Variants in CCDC148 observed in about 807,000 individuals in gnomAD.
CCDC148 encodes coiled-coil domain-containing protein 148.
CCDC148 carries 89 observed loss-of-function variants against 85.7 expected under a neutral mutation model. That is an observed-to-expected ratio of 1.04 (90% confidence interval 0.87 to 1.24). CCDC148 has a LOEUF of 1.24. Ranked by LOEUF, CCDC148 falls within the 50% of genes most tolerant of loss-of-function variation. CCDC148 has a pLI of 0.00. For synonymous variants in CCDC148, 230 were observed against 213.9 expected (o/e 1.08, Z -0.66); for missense variants, 692 against 671.7 (o/e 1.03, Z -0.33).
intron 9 of CCDC148, among the ~76,000 whole-genome samples, chr2:158,294,020 CCTTCCTTCCTTCCTTCCTTCCTTCCT>C (rs1401921719): frequency 3.2e-4 from 7 of 21,738 alleles, no homozygotes; most frequent in African/African-American, 1.2e-3. Context: ...TTCCTTCCTT[CCTTCCTTCCTTCCTTCCTTCCTTCCT>C]TCCTTCCTTC....
intron 11 of CCDC148, among the ~76,000 whole-genome samples, chr2:158,186,134 A>G (rs1685144124): frequency 6.6e-6 from 1 of 152,100 alleles, no homozygotes; most frequent in South Asian, 2.1e-4. Flanking sequence ...AGTTGTACAC[A>G]TTGACTTTGG....
At chr2:158,416,454 T>G (rs962838598) in intron 1 of CCDC148, among the ~76,000 whole-genome samples, 1 of 152,208 alleles carries the variant, frequency 6.6e-6, no homozygotes, top group African/African-American at 2.4e-5. Context: ...TTGAATGCTT[T>G]GCTGCTTAGA....
chr2:158,234,448 C>T (rs529871231), intron 10 of CCDC148, among the ~76,000 whole-genome samples: 1 of 152,040 alleles, frequency 6.6e-6, no homozygotes, highest in African/African-American at 2.4e-5. Context: ...TCATTTACCT[C>T]TGGTAGGAGG....
intron 9 of CCDC148, among the ~76,000 whole-genome samples, chr2:158,275,611 A>G (rs959720037): frequency 1.3e-5 from 2 of 152,108 alleles, no homozygotes; most frequent in African/African-American, 2.4e-5. Flanking sequence ...ATCCCTGTCA[A>G]TCTAGTTTTA....
intron 9 of CCDC148, among the ~76,000 whole-genome samples, chr2:158,296,889 C>T (rs192072419): frequency 3.3e-4 from 50 of 152,260 alleles, no homozygotes; most frequent in South Asian, 1.2e-3. Context: ...GCTGTATAGA[C>T]GAAATGCCAT....
chr2:158,277,917 T>A (rs764457476), intron 9 of CCDC148, among the ~76,000 whole-genome samples: 8 of 151,974 alleles, frequency 5.3e-5, no homozygotes, highest in Non-Finnish European at 7.4e-5. Context: ...CTTAGAGGGG[T>A]TAGTAACATG....
chr2:158,342,442 A>G (rs1415109998), intron 3 of CCDC148, among the ~76,000 whole-genome samples: 2 of 152,186 alleles, frequency 1.3e-5, no homozygotes, highest in African/African-American at 4.8e-5. Context: ...TTAAGATCAC[A>G]TTTGCAACTG....
chr2:158,451,218 T>G (rs1247074464), intron 1 of CCDC148, among the ~76,000 whole-genome samples: 1 of 148,340 alleles, frequency 6.7e-6, no homozygotes, highest in Non-Finnish European at 1.5e-5. Flanking sequence ...AACATACTTA[T>G]ACTAGCTGTT....
At chr2:158,280,282 G>C (rs998454602) in intron 9 of CCDC148, among the ~76,000 whole-genome samples, 1 of 152,102 alleles carries the variant, frequency 6.6e-6, no homozygotes, top group Non-Finnish European at 1.5e-5. Context: ...AACAATATTA[G>C]CTTTAAATGT....
Position 158,281,420 on chromosome 2 carries a change from C to T in CCDC148, c.1110+28013G>A, listed in dbSNP as rs184491784. 9.7e-3 allele frequency among the ~76,000 whole-genome samples: 1,479 copies of T among 152,016 alleles called. 19 individuals are homozygous for T. Among genetic ancestry groups the T allele is most frequent in the African/African-American group, 0.033 (1,356 of 41,462 alleles). The stretch of plus-strand genomic sequence containing the variant: ...AGAAAAGAGAGAAGAATCAAATAGA[C>T]GCAATAAAAAATGATAAAGGGGATA... On this transcript the variant is annotated intron_variant, in intron 9 of 13. Coordinates refer to ENST00000283233, the MANE Select transcript of CCDC148 (RefSeq NM_138803.4).
At chr2:158,327,758 T>TA (rs1692856822) in intron 7 of CCDC148, among the ~76,000 whole-genome samples, 1 of 152,210 alleles carries the variant, frequency 6.6e-6, no homozygotes, top group Non-Finnish European at 1.5e-5. Context: ...AATATCTCTA[T>TA]AATTATTCAG....
chr2:158,217,393 T>TATATATATATATATATATATATAC (rs1459713401), intron 11 of CCDC148, among the ~76,000 whole-genome samples: 2 of 135,326 alleles, frequency 1.5e-5, no homozygotes, highest in African/African-American at 5.6e-5. Flanking sequence ...TATATATATA[T>TATATATATATATATATATATATAC]ACACACACAC....
At chr2:158,225,977 G>C (rs1269914790) in intron 10 of CCDC148, among the ~76,000 whole-genome samples, 2 of 152,188 alleles carry the variant, frequency 1.3e-5, no homozygotes, top group African/African-American at 2.4e-5. Context: ...GAGGGAAATA[G>C]AGACACAAAA....
At chr2:158,424,814 T>G (rs1254971135) in intron 1 of CCDC148, 1 of 200,434 alleles carries the variant, frequency 5.0e-6, no homozygotes, top group African/African-American at 2.4e-5. Context: ...TTGGAGCCTT[T>G]GGAAAGTTTG....
chr2:158,255,282 T>G (rs1245971089), intron 9 of CCDC148, among the ~76,000 whole-genome samples: 2 of 151,336 alleles, frequency 1.3e-5, no homozygotes, highest in Non-Finnish European at 3.0e-5. Flanking sequence ...TATTTCTAAT[T>G]ATAATGGTAC....
At chr2:158,410,897 G>A (rs1366094183) in intron 1 of CCDC148, among the ~76,000 whole-genome samples, 4 of 152,048 alleles carry the variant, frequency 2.6e-5, no homozygotes, top group African/African-American at 9.7e-5. Context: ...ATCTAGTGGT[G>A]ACAAACCCTT....
intron 1 of CCDC148, among the ~76,000 whole-genome samples, chr2:158,406,458 G>A (rs548646695): frequency 6.6e-6 from 1 of 152,046 alleles, no homozygotes; most frequent in East Asian, 1.9e-4. Context: ...TGAGGTCTGA[G>A]CCATAATTTG....
chr2:158,243,601 TC>T (rs1688442609), intron 10 of CCDC148, among the ~76,000 whole-genome samples: 1 of 152,138 alleles, frequency 6.6e-6, no homozygotes, highest in Non-Finnish European at 1.5e-5. Flanking sequence ...TTTGAAAAGA[TC>T]CATGAGAAGC....
At chr2:158,434,421 A>G (rs1003713298) in intron 1 of CCDC148, among the ~76,000 whole-genome samples, 1 of 152,198 alleles carries the variant, frequency 6.6e-6, no homozygotes, top group Admixed American at 6.5e-5. Context: ...GACTGTTAGA[A>G]AGGAAAACTA....
Sources: allele counts gnomAD v4.1 joint callset (sites outside exome capture counted in the v4.1 genomes callset), GRCh38; gene constraint gnomAD v4.1.1; transcripts MANE v1.5; gene names NCBI Gene and HGNC (gene_info 2026-07-23, HGNC 2026-07-21).